Variants in FAM234B observed in about 807,000 individuals in gnomAD.
FAM234B encodes the protein family with sequence similarity 234 member B.
In FAM234B, 33 loss-of-function variants were observed where a neutral mutation model predicts 69.3. That is an observed-to-expected ratio of 0.48 (90% confidence interval 0.36 to 0.64). The LOEUF is 0.64. Ranked by LOEUF, FAM234B falls within the 30% of genes least tolerant of loss-of-function variation. FAM234B has a pLI of 0.00. For synonymous variants in FAM234B, 306 were observed against 306.9 expected, an observed-to-expected ratio of 1.00 and a Z score of 0.03; for missense variants, 697 against 769.7, an observed-to-expected ratio of 0.91 and a Z score of 1.12.
chr12:13,055,471 G>C (rs1864918084), intron 1 of FAM234B, 80 bp from the exon 2 acceptor site: 1 of 1,350,120 alleles, frequency 7.4e-7, no homozygotes, highest in African/African-American at 1.5e-5. Context: ...TGTTCTTCTG[G>C]GTATTTACAG....
In FAM234B at chr12:13,044,412, C is replaced by A. The variant is rs754998409; in HGVS notation, c.9C>A (p.Thr3=). ...GCACCGGGGCCTCAGCCATGGCGAC[C>A]GTGCTGTCCAGGGCGCTCAAGCTGC... is the stretch of plus-strand genomic sequence containing the variant. MA[T]VLSRALKLPG... The change falls in exon 1 of 13, where the codon ACC becomes ACA. Residue 3 remains threonine, a synonymous_variant. Coordinates refer to ENST00000197268, the MANE Select transcript of FAM234B (RefSeq NM_020853.2). The surrounding 1 kb of genome is among the most constrained non-coding windows in gnomAD (Gnocchi z 5.6). 6 of 1,551,770 alleles carry A rather than the reference C, an allele frequency of 3.9e-6. No individual in the cohort carries two copies. In the African/African-American group the frequency reaches 8.2e-5, roughly 21 times the overall value.
chr12:13,051,007 A>G (rs1211556152), intron 1 of FAM234B, among the ~76,000 whole-genome samples: 5 of 152,294 alleles, frequency 3.3e-5, no homozygotes, highest in African/African-American at 1.2e-4. Context: ...TAGTTCATAA[A>G]TTGTGGTTTG....
rs954065285 is a variant in FAM234B, at chr12:13,081,494, G to A, written c.*864G>A. 3 of 152,210 alleles carry A rather than the reference G, an allele frequency of 2.0e-5. No individual in the cohort carries two copies. Among genetic ancestry groups the A allele is most frequent in the Non-Finnish European group, 4.4e-5 (3 of 68,048 alleles). The allele number at this position is 152,210 out of a possible 1,614,324, so 9.4% of individuals were successfully genotyped here. Reference sequence around the variant, plus strand: ...CTGTCTTCAACTTAGAGGAGAACTGGAAGTCAGGAGCCTTTGATGTCCTTA... The same window carrying A: ...CTGTCTTCAACTTAGAGGAGAACTGAAAGTCAGGAGCCTTTGATGTCCTTA... On this transcript the variant is annotated 3_prime_UTR_variant, in exon 13 of 13. Transcript: ENST00000197268.
rs1054427166 is a variant in FAM234B, at chr12:13,048,601, G to A, written c.37+4161G>A. On this transcript the variant is annotated intron_variant, in intron 1 of 12. Coordinates refer to ENST00000197268, the MANE Select transcript of FAM234B (RefSeq NM_020853.2). ...CACCTTTGTTGTCAGTATCTATCAC[G>A]TTGTTTCTAGTCTTTTTAAAGCCTT... 4.7e-5 allele frequency among the ~76,000 whole-genome samples: 7 copies of A among 149,780 alleles called. 1 individual carries two copies. The highest frequency in any genetic ancestry group is 3.3e-4 in the Admixed American group (5 of 15,038).
intron 9 of FAM234B, among the ~76,000 whole-genome samples, chr12:13,070,327 C>T (rs1185276896): frequency 6.6e-6 from 1 of 151,718 alleles, no homozygotes; most frequent in African/African-American, 2.4e-5. Context: ...TCTTTCTCTG[C>T]TGGTTGAGAA....
chr12:13,059,889 G>T (rs1018546005), intron 3 of FAM234B, among the ~76,000 whole-genome samples: 1 of 152,158 alleles, frequency 6.6e-6, no homozygotes, highest in Non-Finnish European at 1.5e-5. Flanking sequence ...GGTATCTTAC[G>T]TAGTTTGCTT....
rs143528239 is a variant in FAM234B at position 13,080,006 on chromosome 12, C to T, written c.1860C>T (p.Tyr620=). 1.1e-5 allele frequency: 18 copies of T among 1,587,204 alleles called. No individual in the cohort carries two copies. In the East Asian group the frequency reaches 2.3e-4, roughly 20 times the overall value. The change falls in exon 12 of 13, where the codon TAC becomes TAT. Residue 620 remains tyrosine, a synonymous_variant. Coordinates refer to ENST00000197268, the MANE Select transcript of FAM234B (RefSeq NM_020853.2). Reference sequence around the variant, plus strand: ...GGATAAAGTTTGTTGAAGCTCCCTACGAGGTGAGTGGCTGCAGAAATATTG... The same window carrying T: ...GGATAAAGTTTGTTGAAGCTCCCTATGAGGTGAGTGGCTGCAGAAATATTG... ...LSRIKFVEAP[Y]EI is the part of the protein sequence containing the mutation.
chr12:13,061,651 T>C lies in FAM234B; in HGVS notation c.609T>C (p.Pro203=), dbSNP rs1864983451. ...GCACACTGTGGTCTAGTCTTCTCCCTGAGGAGGCTCGAGATATCACATGTT... is the reference window on the plus strand; with the variant it reads ...GCACACTGTGGTCTAGTCTTCTCCCCGAGGAGGCTCGAGATATCACATGTT... ...NGSTLWSSLL[P]EEARDITCLE... The change falls in exon 4 of 13, where the codon CCT becomes CCC. Residue 203 remains proline (P), a synonymous_variant. Transcript: ENST00000197268. 1.2e-6 allele frequency: 2 copies of C among 1,614,090 alleles called. No homozygotes were observed. The highest frequency in any genetic ancestry group is 2.2e-5 in the East Asian group (1 of 44,886).
Position 13,067,598 on chromosome 12 carries a change from T to C in FAM234B, c.1142+302T>C, listed in dbSNP as rs1414519583. On this transcript the variant is annotated intron_variant, in intron 7 of 12. Coordinates refer to ENST00000197268, the MANE Select transcript of FAM234B (RefSeq NM_020853.2). The surrounding 1 kb of genome is among the most constrained non-coding windows in gnomAD (Gnocchi z 4.7). The stretch of plus-strand genomic sequence containing the variant: ...GAGGGAGATAGACTTATCTAACTGT[T>C]TGTGAAACTGTGCTGAAGGATCTGA... Among the ~76,000 whole-genome samples the C allele has an allele frequency of 2.0e-5, 3 of 152,234 alleles. No individual in the cohort carries two copies. Among genetic ancestry groups the C allele is most frequent in the Non-Finnish European group, 4.4e-5 (3 of 68,044 alleles).
intron 1 of FAM234B, among the ~76,000 whole-genome samples, chr12:13,055,221 T>C (rs1286927216): frequency 6.6e-6 from 1 of 152,220 alleles, no homozygotes; most frequent in Non-Finnish European, 1.5e-5. Context: ...CCATGATCTT[T>C]TTCTTGAGTG....
chr12:13,068,453 C>G lies in FAM234B; in HGVS notation c.1286+6C>G, dbSNP rs763646717. On this transcript the variant is annotated splice_donor_region_variant and intron_variant, in intron 8 of 12. Transcript: ENST00000197268. ...AGACTTCAAGGCCTGCGCAGGTTTG[C>G]ATTGTGTTCCTTCTTGTGTTTGCTG... is the stretch of plus-strand genomic sequence containing the variant. 6.2e-7 allele frequency: 1 copy of G among 1,613,588 alleles called. No homozygotes were observed. The highest frequency in any genetic ancestry group is 8.5e-7 in the Non-Finnish European group (1 of 1,179,710).
At chr12:13,063,440 T>C (rs992869793) in intron 5 of FAM234B, among the ~76,000 whole-genome samples, 2 of 152,232 alleles carry the variant, frequency 1.3e-5, no homozygotes, top group African/African-American at 4.8e-5. Flanking sequence ...GTACATTTTA[T>C]GTCAATTATA....
At chr12:13,078,113 GTTGT>G (rs1865182431) in intron 11 of FAM234B, among the ~76,000 whole-genome samples, 2 of 151,716 alleles carry the variant, frequency 1.3e-5, no homozygotes, top group South Asian at 2.1e-4. Flanking sequence ...TGTTGATGGG[GTTGT>G]TTGTTTTTTT....
rs1274841247 is a variant in FAM234B, at chr12:13,055,613, G to A, written c.100G>A (p.Glu34Lys). ...PLTQADSDES[E>K]DDLVLNLQKN... is the part of the protein sequence containing the mutation. ...TACCCAGGCTGACAGTGATGAGAGC[G>A]AAGACGATCTGGTGCTTAACCTGCA... The change falls in exon 2 of 13, where the codon GAA becomes AAA. Residue 34 changes from glutamate (E) to lysine (K), a missense_variant. Physicochemically the swap from Glu to Lys is moderately conservative, Grantham distance 56 (BLOSUM62 1). Transcript: ENST00000197268. The A allele has an allele frequency of 5.0e-6, 8 of 1,614,114 alleles. No individual in the cohort carries two copies. Among genetic ancestry groups the A allele is most frequent in the Admixed American group, 1.7e-5 (1 of 60,020 alleles).
At chr12:13,063,403 T>C (rs927568222) in intron 5 of FAM234B, among the ~76,000 whole-genome samples, 2 of 152,236 alleles carry the variant, frequency 1.3e-5, no homozygotes. Flanking sequence ...TGTATATGTA[T>C]TTTTAGTTTT....
At chr12:13,062,706 C>T (rs953817096) in intron 4 of FAM234B, 139 bp from the exon 5 acceptor site, 11 of 816,504 alleles carry the variant, frequency 1.3e-5, no homozygotes, top group Admixed American at 1.1e-4. Context: ...AAGACAAAAA[C>T]GAAAGGCAAT....
In FAM234B at chr12:13,067,082, C is replaced by T; in HGVS notation, c.1001-73C>T. The T allele has an allele frequency of 6.4e-7, 1 of 1,565,642 alleles. No homozygotes were observed. The highest frequency in any genetic ancestry group is 8.8e-7 in the Non-Finnish European group (1 of 1,141,472). On this transcript the variant is annotated intron_variant, in intron 6 of 12. Transcript: ENST00000197268. This position sits in a 1 kb window ranked among gnomAD's most constrained non-coding sequence, Gnocchi z 4.7. ...ACCCATCTGGTCAGGCTCTGTGTCT[C>T]TTGCTCAGATCCTCACCATGGGACA...
Position 13,066,792 on chromosome 12 carries a change from G to A in FAM234B, c.1000+5G>A. On this transcript the variant is annotated splice_donor_5th_base_variant and intron_variant, in intron 6 of 12. Coordinates refer to ENST00000197268, the MANE Select transcript of FAM234B (RefSeq NM_020853.2). ...TCTACATCCTGTTTGGCTTTGGTAAGAAGCAAGGCTAGTTTTTGCTCCTGT... is the reference window on the plus strand; with the variant it reads ...TCTACATCCTGTTTGGCTTTGGTAAAAAGCAAGGCTAGTTTTTGCTCCTGT... 6.2e-7 allele frequency: 1 copy of A among 1,611,126 alleles called. No individual in the cohort carries two copies. The highest frequency in any genetic ancestry group is 8.5e-7 in the Non-Finnish European group (1 of 1,178,628).
rs1035349221 is a variant in FAM234B at position 13,080,921 on chromosome 12, C to G, written c.*291C>G. ...TAAGTATTTAATTTTTTTGGTATGTCTAATTTATGAAGTCTTGCTGGGAAA... is the reference window on the plus strand; with the variant it reads ...TAAGTATTTAATTTTTTTGGTATGTGTAATTTATGAAGTCTTGCTGGGAAA... On this transcript the variant is annotated 3_prime_UTR_variant, in exon 13 of 13. Transcript: ENST00000197268. The G allele has an allele frequency of 2.9e-6, 1 of 340,984 alleles. No individual in the cohort carries two copies. Among genetic ancestry groups the G allele is most frequent in the African/African-American group, 2.1e-5 (1 of 47,164 alleles). The allele number at this position is 340,984 out of a possible 1,614,324, so 21.1% of individuals were successfully genotyped here.
Sources: allele counts gnomAD v4.1 joint callset (sites outside exome capture counted in the v4.1 genomes callset), GRCh38; gene constraint gnomAD v4.1.1; non-coding constraint Gnocchi (gnomAD v3.1); transcripts MANE v1.5; gene names NCBI Gene and HGNC (gene_info 2026-07-23, HGNC 2026-07-21).